Variants in ALAD observed in about 807,000 individuals in gnomAD.
ALAD encodes the protein delta-aminolevulinic acid dehydratase.
A neutral mutation model predicts 44.4 loss-of-function variants in ALAD; 20 were observed. The ratio of observed to expected loss-of-function variants is 0.45; its 90% CI spans 0.32 to 0.65. The LOEUF (loss-of-function observed/expected upper bound fraction) is 0.65, where lower values mean the gene tolerates loss of function less well. Among genes scored for constraint, ALAD ranks in the 30% least tolerant of loss-of-function variants. ALAD has a pLI of 0.05. For missense variants in ALAD, 323 were observed against 445.7 expected, an observed-to-expected ratio of 0.72 and a Z score of 2.48; for synonymous variants, 156 against 167.9, an observed-to-expected ratio of 0.93 and a Z score of 0.55.
chr9:113,392,556 C>A lies in ALAD; in HGVS notation c.114-387G>T, dbSNP rs8177799. On this transcript the variant is annotated intron_variant, in intron 2 of 11. Coordinates refer to ENST00000409155, the MANE Select transcript of ALAD (RefSeq NM_000031.6). Reference sequence around the variant, plus strand: ...TCATCTATATCATGCGTGGTTAATTCATTCATTCAACAAATATTTATTGAG... The same window carrying A: ...TCATCTATATCATGCGTGGTTAATTAATTCATTCAACAAATATTTATTGAG... The A allele has an allele frequency of 2.8e-5, 7 of 248,404 alleles. No individual in the cohort carries two copies. In the East Asian group the frequency reaches 6.4e-4, roughly 23 times the overall value. 15.4% of individuals were successfully genotyped at this position (248,404 alleles called of 1,614,324 possible).
intron 1 of ALAD, among the ~76,000 whole-genome samples, chr9:113,400,946 A>C (rs1010993405): frequency 5.9e-5 from 9 of 152,088 alleles, no homozygotes; most frequent in Non-Finnish European, 1.3e-4. Context: ...CGGGTTCTGC[A>C]TCGATGGAGT....
At chr9:113,393,389 TCCCCA>T in intron 2 of ALAD, 53 bp downstream of exon 2, 6 of 1,271,482 alleles carry the variant, frequency 4.7e-6, no homozygotes, top group Non-Finnish European at 5.8e-6. Flanking sequence ...CAACACTCCC[TCCCCA>T]ACCCCAACCC....
intron 1 of ALAD, chr9:113,397,438 G>C (rs1386289465): frequency 2.0e-5 from 3 of 151,912 alleles, no homozygotes; most frequent in Non-Finnish European, 4.4e-5. Flanking sequence ...GTCACACAGG[G>C]GCCAGCCCTG....
At position 113,390,937 on chromosome 9, in the gene ALAD, G is replaced by A; in HGVS notation, c.262-4C>T. 1 of 1,614,072 alleles carries A rather than the reference G, an allele frequency of 6.2e-7. No homozygotes were observed. Among genetic ancestry groups the A allele is most frequent in the Non-Finnish European group, 8.5e-7 (1 of 1,180,020 alleles). On this transcript the variant is annotated splice_polypyrimidine_tract_variant and splice_region_variant and intron_variant, in intron 4 of 11. Coordinates refer to ENST00000409155, the MANE Select transcript of ALAD (RefSeq NM_000031.6). ...CAGCTGCGGAACCCCGCTCGTCCTA[G>A]GGGCAGGGGAGGGACAAAGCAGTGT...
chr9:113,393,554 C>T lies in ALAD; in HGVS notation c.6G>A (p.Gln2=), dbSNP rs767248962. The T allele has an allele frequency of 2.9e-5, 46 of 1,613,290 alleles. No homozygotes were observed. The highest frequency in any genetic ancestry group is 3.9e-5 in the Non-Finnish European group (46 of 1,179,994). M[Q]PQSVLHSGYF... ...AGCCGCTGTGCAGAACGGACTGGGG[C>T]TGCATGGCGTGGGCCAGTGGGCACA... Residue 2 remains glutamine (Q), a synonymous_variant, in exon 2 of 12, where the codon CAG becomes CAA. Coordinates refer to ENST00000409155, the MANE Select transcript of ALAD (RefSeq NM_000031.6).
chr9:113,391,263 C>G (rs8177803), intron 4 of ALAD, among the ~76,000 whole-genome samples: 1 of 152,076 alleles, frequency 6.6e-6, no homozygotes, highest in Non-Finnish European at 1.5e-5. Flanking sequence ...AGTGCACTGG[C>G]GCGATTTTGG....
Position 113,386,548 on chromosome 9 carries a change from C to T in ALAD, c.*1752G>A, listed in dbSNP as rs1282903492. 2 of 152,138 alleles carry T rather than the reference C, an allele frequency of 1.3e-5. No homozygotes were observed. The highest frequency in any genetic ancestry group is 2.4e-5 in the African/African-American group (1 of 41,420). 9.4% of individuals were successfully genotyped at this position (152,138 alleles called of 1,614,324 possible). A position where few individuals can be genotyped will look rare whatever the true frequency, so the allele number is the denominator to read the frequency against. The stretch of plus-strand genomic sequence containing the variant: ...AACTTATGATGGGTTTATCAGGATG[C>T]AAACCCATCACATAAATGGAGGGGT... On this transcript the variant is annotated 3_prime_UTR_variant, in exon 12 of 12. Coordinates refer to ENST00000409155, the MANE Select transcript of ALAD (RefSeq NM_000031.6).
At chr9:113,392,971 C>T (rs932323768) in intron 2 of ALAD, among the ~76,000 whole-genome samples, 1 of 152,132 alleles carries the variant, frequency 6.6e-6, no homozygotes, top group Non-Finnish European at 1.5e-5. Flanking sequence ...GCACCCGCCA[C>T]CACGCCTGGC....
At position 113,393,601 on chromosome 9, in the gene ALAD, C is replaced by T. The variant is rs745479063; in HGVS notation, c.-42G>A. On this transcript the variant is annotated 5_prime_UTR_variant, in exon 2 of 12. Coordinates refer to ENST00000409155, the MANE Select transcript of ALAD (RefSeq NM_000031.6). ...CACAGGGGCATCAGTTGGTTGGAACCGAGGGCTCCTGGGGCATTGGCTGCA... is the reference window on the plus strand; with the variant it reads ...CACAGGGGCATCAGTTGGTTGGAACTGAGGGCTCCTGGGGCATTGGCTGCA... The T allele has an allele frequency of 2.6e-5, 40 of 1,547,298 alleles. 1 individual carries two copies. In the East Asian group the frequency reaches 5.4e-4, roughly 21 times the overall value.
In ALAD at chr9:113,396,020, C is replaced by T. The variant is rs189642765; in HGVS notation, c.-75-2386G>A. On this transcript the variant is annotated intron_variant, in intron 1 of 11. Coordinates refer to ENST00000409155, the MANE Select transcript of ALAD (RefSeq NM_000031.6). ...ACCAGCCTGACCAACATGGTGAAAC[C>T]CCATCTCTACTAAAAATAAAAAAAA... Among the ~76,000 whole-genome samples the T allele has an allele frequency of 2.0e-5, 3 of 152,164 alleles. No homozygotes were observed. In the East Asian group the frequency reaches 5.8e-4, roughly 29 times the overall value.
chr9:113,388,397 A>G, intron 11 of ALAD, 36 bp from the exon 12 acceptor site: 1 of 1,600,984 alleles, frequency 6.2e-7, no homozygotes, highest in Non-Finnish European at 8.6e-7. Flanking sequence ...TGCTGGGGGG[A>G]CGCTGATCAG....
At chr9:113,391,214 T>C (rs565649579) in intron 4 of ALAD, among the ~76,000 whole-genome samples, 29 of 152,190 alleles carry the variant, frequency 1.9e-4, no homozygotes, top group Admixed American at 8.5e-4. Flanking sequence ...TTTTTCTGTT[T>C]GTATTGGAGA....
At chr9:113,391,821 G>A (rs1827594053) in intron 3 of ALAD, among the ~76,000 whole-genome samples, 198 bp from the exon 4 acceptor site, 1 of 152,218 alleles carries the variant, frequency 6.6e-6, no homozygotes, top group Admixed American at 6.5e-5. Flanking sequence ...CAGAGCTCCG[G>A]AATTCGGCTG....
At chr9:113,392,802 A>C (rs116912901) in intron 2 of ALAD, among the ~76,000 whole-genome samples, 1,567 of 149,080 alleles carry the variant, frequency 0.011, 12 homozygotes, top group Non-Finnish European at 0.017. Flanking sequence ...ATTAACAATC[A>C]CGATTGCCAT....
At chr9:113,391,359 C>T (rs1245703072) in intron 4 of ALAD, among the ~76,000 whole-genome samples, 168 bp downstream of exon 4, 1 of 152,176 alleles carries the variant, frequency 6.6e-6, no homozygotes, top group African/African-American at 2.4e-5. Flanking sequence ...CACATACCCC[C>T]ACACCCAGCT....
chr9:113,390,948 G>A lies in ALAD; in HGVS notation c.262-15C>T, dbSNP rs747096838. Reference sequence around the variant, plus strand: ...CCCCGCTCGTCCTAGGGGCAGGGGAGGGACAAAGCAGTGTGTCTATTACAT... The same window carrying A: ...CCCCGCTCGTCCTAGGGGCAGGGGAAGGACAAAGCAGTGTGTCTATTACAT... On this transcript the variant is annotated splice_polypyrimidine_tract_variant and intron_variant, in intron 4 of 11. Coordinates refer to ENST00000409155, the MANE Select transcript of ALAD (RefSeq NM_000031.6). 6.2e-7 allele frequency: 1 copy of A among 1,613,932 alleles called. No individual in the cohort carries two copies. The highest frequency in any genetic ancestry group is 2.2e-5 in the East Asian group (1 of 44,880).
intron 1 of ALAD, among the ~76,000 whole-genome samples, chr9:113,398,698 T>C (rs1166175625): frequency 1.3e-5 from 2 of 152,224 alleles, no homozygotes; most frequent in Non-Finnish European, 2.9e-5. Context: ...ACGGGACTTT[T>C]GGAGATCACA....
At position 113,388,122 on chromosome 9, in the gene ALAD, G is replaced by A. The variant is rs545934397; in HGVS notation, c.*178C>T. 3.8e-5 allele frequency: 26 copies of A among 680,326 alleles called. No individual in the cohort carries two copies. Among genetic ancestry groups the A allele is most frequent in the African/African-American group, 3.7e-4 (21 of 56,828 alleles). The allele number at this position is 680,326 out of a possible 1,614,324, so 42.1% of individuals were successfully genotyped here. ...GGGAGAGCTCATAGGATGCAGCTGCGAGTTACAAGAGTTAGCATGCTGGCA... is the reference window on the plus strand; with the variant it reads ...GGGAGAGCTCATAGGATGCAGCTGCAAGTTACAAGAGTTAGCATGCTGGCA... On this transcript the variant is annotated 3_prime_UTR_variant, in exon 12 of 12. Transcript: ENST00000409155.
intron 1 of ALAD, among the ~76,000 whole-genome samples, chr9:113,400,481 G>A (rs1482763809): frequency 1.3e-5 from 2 of 152,144 alleles, no homozygotes; most frequent in Admixed American, 1.3e-4. Context: ...CAGTTTCTTC[G>A]TTTAGTAAAT....
Sources: allele counts gnomAD v4.1 joint callset (sites outside exome capture counted in the v4.1 genomes callset), GRCh38; gene constraint gnomAD v4.1.1; transcripts MANE v1.5; gene names NCBI Gene and HGNC (gene_info 2026-07-23, HGNC 2026-07-21).